Variants in MCC observed in about 807,000 individuals in gnomAD.
MCC encodes MCC regulator of Wnt signaling pathway.
Under a neutral mutation model 116.2 loss-of-function variants are expected in MCC, and 90 were observed. The ratio of observed to expected loss-of-function variants is 0.77; its 90% CI spans 0.65 to 0.92. MCC has a LOEUF of 0.92. MCC is among the 40% of genes least tolerant of loss of function. MCC has a pLI of 0.00. For missense variants in MCC, 1,516 were observed against 1,312.2 expected (o/e 1.16, Z -2.40); for synonymous variants, 578 against 510.5 (o/e 1.13, Z -1.78).
intron 14 of MCC, 139 bp from the exon 15 acceptor site, chr5:113,054,098 C>T (rs1752661337): frequency 3.2e-6 from 2 of 631,224 alleles, no homozygotes; most frequent in African/African-American, 1.8e-5. Context: ...GTTTTCTTCA[C>T]AGCATAGGAA....
At chr5:113,323,492 G>T (rs796765620) in intron 3 of MCC, among the ~76,000 whole-genome samples, 18 of 152,272 alleles carry the variant, frequency 1.2e-4, no homozygotes, top group African/African-American at 4.3e-4. Flanking sequence ...AGTGGTGGTA[G>T]GAAGAACAGC....
chr5:113,393,733 T>C (rs998366469), intron 1 of MCC, among the ~76,000 whole-genome samples: 11 of 152,214 alleles, frequency 7.2e-5, no homozygotes, highest in African/African-American at 2.4e-4. Flanking sequence ...AAGGCATTCA[T>C]AACATATAAT....
intron 2 of MCC, among the ~76,000 whole-genome samples, chr5:113,358,324 T>C (rs908935842): frequency 6.6e-6 from 1 of 152,170 alleles, no homozygotes; most frequent in African/African-American, 2.4e-5. Context: ...GCCAGCACCA[T>C]GAGGAAATCT....
chr5:113,338,889 G>A (rs996185801), intron 3 of MCC, among the ~76,000 whole-genome samples: 19 of 152,124 alleles, frequency 1.2e-4, no homozygotes, highest in African/African-American at 4.3e-4. Flanking sequence ...AACTATGAAT[G>A]TTTTTACAGA....
chr5:113,096,749 A>G (rs892151947), intron 8 of MCC, among the ~76,000 whole-genome samples: 1 of 152,170 alleles, frequency 6.6e-6, no homozygotes, highest in Non-Finnish European at 1.5e-5. Flanking sequence ...CCTGTCCCCT[A>G]ACCTGCACTG....
intron 11 of MCC, among the ~76,000 whole-genome samples, chr5:113,075,113 C>G (rs958067862): frequency 1.1e-4 from 16 of 152,232 alleles, no homozygotes; most frequent in African/African-American, 3.9e-4. Flanking sequence ...ATGGGCTCAC[C>G]AGGCCCCGCA....
chr5:113,043,517 A>T lies in MCC; in HGVS notation c.2756+13T>A, dbSNP rs777608179. The T allele has an allele frequency of 1.7e-5, 27 of 1,611,616 alleles. 1 individual carries two copies. The South Asian group carries it at 3.0e-4, about 18-fold the overall frequency. On this transcript the variant is annotated intron_variant, in intron 17 of 18. Transcript: ENST00000408903. ...AGGATAAACACCAGCTGGGGTGGGG[A>T]AAGGGTGCTTACCGACGAATGGCGT...
Position 113,053,835 on chromosome 5 carries a change from G to A in MCC, c.2338C>T (p.Leu780=), listed in dbSNP as rs1752641744. ...AGAGGATCGATGTGGATGCTTTCCA[G>A]CTCCAGCATGGTCAGCTTGACCGCA... The part of the protein sequence containing the change: ...RAAVKLTMLE[L]ESIHIDPLSY... Residue 780 remains leucine (L), a synonymous_variant, in exon 15 of 19, where the codon CTG becomes TTG. Coordinates refer to ENST00000408903, the MANE Select transcript of MCC (RefSeq NM_001085377.2). 6.2e-7 allele frequency: 1 copy of A among 1,614,116 alleles called. No homozygotes were observed.
At chr5:113,345,504 T>C (rs151168375) in intron 2 of MCC, among the ~76,000 whole-genome samples, 1 of 152,220 alleles carries the variant, frequency 6.6e-6, no homozygotes, top group African/African-American at 2.4e-5. Flanking sequence ...GTAGTCCTAG[T>C]GGTGGGAACC....
chr5:113,158,020 T>G (rs185269094), intron 3 of MCC, among the ~76,000 whole-genome samples: 15 of 152,316 alleles, frequency 9.8e-5, no homozygotes, highest in Admixed American at 8.5e-4. Flanking sequence ...GCACAGACAG[T>G]GCAGATATGC....
At chr5:113,476,662 C>T (rs1252504837) in intron 1 of MCC, among the ~76,000 whole-genome samples, 1 of 152,070 alleles carries the variant, frequency 6.6e-6, no homozygotes, top group African/African-American at 2.4e-5. Flanking sequence ...AAAACACAAG[C>T]AATAAAAGGC....
Position 113,122,577 on chromosome 5 carries a change from A to G in MCC, c.1027+107T>C. Reference sequence around the variant, plus strand: ...ACATGTGACTTCATCCACTCAGCAAACCCCTTGAAAAATTAAATTTTAATT... The same window carrying G: ...ACATGTGACTTCATCCACTCAGCAAGCCCCTTGAAAAATTAAATTTTAATT... On this transcript the variant is annotated intron_variant, in intron 6 of 18. Coordinates refer to ENST00000408903, the MANE Select transcript of MCC (RefSeq NM_001085377.2). 2.3e-6 allele frequency: 3 copies of G among 1,324,690 alleles called. No individual in the cohort carries two copies. In the South Asian group the frequency reaches 4.3e-5, roughly 19 times the overall value. The allele number at this position is 1,324,690 out of a possible 1,614,324, so 82.1% of individuals were successfully genotyped here. A position where few individuals can be genotyped will look rare whatever the true frequency, so the allele number is the denominator to read the frequency against.
intron 6 of MCC, among the ~76,000 whole-genome samples, chr5:113,106,634 A>G (rs1756748952): frequency 2.6e-5 from 4 of 152,170 alleles, no homozygotes; most frequent in Admixed American, 2.6e-4. Flanking sequence ...ATCCTAGCTC[A>G]CTAAAGCTTT....
intron 11 of MCC, among the ~76,000 whole-genome samples, chr5:113,071,456 CCCCCAG>C (rs1754035922): frequency 6.6e-6 from 1 of 152,062 alleles, no homozygotes; most frequent in Non-Finnish European, 1.5e-5. Context: ...AAAAATAAGC[CCCCCAG>C]CCATTGCCAC....
chr5:113,234,304 T>G (rs1764052173), intron 3 of MCC: 1 of 152,152 alleles, frequency 6.6e-6, no homozygotes, highest in Non-Finnish European at 1.5e-5. Flanking sequence ...TGAGATGGAT[T>G]CTTCACATTA....
At chr5:113,198,706 CA>C (rs530273754) in intron 3 of MCC, among the ~76,000 whole-genome samples, 10,658 of 99,838 alleles carry the variant, frequency 0.11, 610 homozygotes, top group Admixed American at 0.26. Flanking sequence ...ACCCCCACCT[CA>C]AAAAAAAAAA....
At chr5:113,093,299 G>C (rs1298138185) in intron 8 of MCC, among the ~76,000 whole-genome samples, 2 of 152,116 alleles carry the variant, frequency 1.3e-5, no homozygotes, top group Non-Finnish European at 2.9e-5. Flanking sequence ...GCCAGGCATG[G>C]TGGTGCGCAC....
rs367939899 is a variant in MCC at position 113,450,064 on chromosome 5, A to C, written c.170+38181T>G. 1.4e-3 allele frequency among the ~76,000 whole-genome samples: 220 copies of C among 152,296 alleles called. 1 individual carries two copies. Among genetic ancestry groups the C allele is most frequent in the African/African-American group, 5.1e-3 (210 of 41,554 alleles). ...ACTGCAAATAATTTATTGAATTTTA[A>C]AGATAAAGATAAGAGTTTACGGACA... On this transcript the variant is annotated intron_variant, in intron 1 of 18. Transcript: ENST00000408903.
chr5:113,108,334 A>T (rs1266355350), intron 6 of MCC, among the ~76,000 whole-genome samples: 4,837 of 12,922 alleles, frequency 0.37, 286 homozygotes, highest in African/African-American at 0.4. Context: ...TCTATCTTAA[A>T]AAAAAAAAAA....
Sources: gnomAD v4.1 joint callset for allele counts (sites outside exome capture counted in the v4.1 genomes callset) on GRCh38, gnomAD v4.1.1 for gene constraint, MANE v1.5 for transcripts, NCBI Gene and HGNC (gene_info 2026-07-23, HGNC 2026-07-21) for gene names.